Variants in MRC1 observed in about 807,000 individuals in gnomAD.
MRC1 encodes macrophage mannose receptor 1.
A neutral mutation model predicts 102.9 loss-of-function variants in MRC1; 62 were observed. That is an observed-to-expected ratio of 0.60 (90% CI 0.49 to 0.74). The LOEUF (loss-of-function observed/expected upper bound fraction) is 0.74, where lower values mean the gene tolerates loss of function less well. Ranked by LOEUF, MRC1 falls within the 30% of genes least tolerant of loss-of-function variation. The pLI, the probability that MRC1 is intolerant of heterozygous loss-of-function variation, is 0.00. For missense variants in MRC1, 1,237 were observed against 862.8 expected (o/e 1.43, Z -5.43); for synonymous variants, 457 against 298.4 (o/e 1.53, Z -5.48).
At chr10:17,837,801 A>T (rs911441037) in intron 4 of MRC1, among the ~76,000 whole-genome samples, 1 of 151,942 alleles carries the variant, frequency 6.6e-6, no homozygotes, top group Admixed American at 6.6e-5. Flanking sequence ...GGGTTTCACC[A>T]TGTTGCCCAG....
At chr10:17,883,383 C>A (rs1351942214) in intron 21 of MRC1, among the ~76,000 whole-genome samples, 1 of 152,006 alleles carries the variant, frequency 6.6e-6, no homozygotes, top group Non-Finnish European at 1.5e-5. Context: ...CCCACCTTGA[C>A]CTCCCAAATT....
intron 2 of MRC1, among the ~76,000 whole-genome samples, chr10:17,824,502 A>G (rs1289688304): frequency 6.6e-6 from 1 of 152,132 alleles, no homozygotes; most frequent in East Asian, 1.9e-4. Flanking sequence ...TGAGCTTTCC[A>G]TTTTCCATCT....
At chr10:17,839,686 G>A (rs1838721128) in intron 4 of MRC1, among the ~76,000 whole-genome samples, 1 of 152,072 alleles carries the variant, frequency 6.6e-6, no homozygotes, top group African/African-American at 2.4e-5. Flanking sequence ...AAAAGCCAAA[G>A]GATAGTTTTT....
intron 9 of MRC1, among the ~76,000 whole-genome samples, chr10:17,859,009 CTA>C (rs1267809705): frequency 1.3e-5 from 2 of 152,172 alleles, no homozygotes; most frequent in African/African-American, 4.8e-5. Flanking sequence ...TCTTCCTATG[CTA>C]TCTTTTCTGT....
At chr10:17,845,815 C>A (rs543214337) in intron 6 of MRC1, among the ~76,000 whole-genome samples, 3,837 of 152,216 alleles carry the variant, frequency 0.025, 175 homozygotes, top group East Asian at 0.17. Context: ...TATATTAGGT[C>A]CTCACGGCTC....
intron 3 of MRC1, among the ~76,000 whole-genome samples, chr10:17,829,598 C>T (rs1160794864): frequency 3.3e-5 from 5 of 151,528 alleles, no homozygotes; most frequent in Non-Finnish European, 7.3e-5. Flanking sequence ...TTGTCTGAAA[C>T]ACATTGAGCA....
intron 16 of MRC1, among the ~76,000 whole-genome samples, chr10:17,874,140 A>T (rs1656175382): frequency 6.6e-6 from 1 of 152,246 alleles, no homozygotes; most frequent in Non-Finnish European, 1.5e-5. Context: ...GGCTTAAAAT[A>T]ACATGCAGTT....
At chr10:17,817,678 T>G (rs1291035548) in intron 1 of MRC1, among the ~76,000 whole-genome samples, 1 of 152,184 alleles carries the variant, frequency 6.6e-6, no homozygotes, top group Non-Finnish European at 1.5e-5. Context: ...GAAACTCACA[T>G]ATTAGATCCT....
chr10:17,877,905 C>T lies in MRC1; in HGVS notation c.2556C>T (p.Asn852=). The part of the protein sequence containing the change: ...SEKKFLWKYV[N]RNDAQSAYFI... The stretch of plus-strand genomic sequence containing the variant: ...CGTAAACTTCCATGTTTCAGGTAAA[C>T]AGAAATGATGCACAGTCTGCATATT... The change falls in exon 18 of 30, where the codon AAC becomes AAT. Residue 852 remains asparagine (N), a synonymous_variant. Transcript: ENST00000569591. 4.6e-6 allele frequency: 4 copies of T among 872,116 alleles called. No homozygotes were observed. Among genetic ancestry groups the T allele is most frequent in the Non-Finnish European group, 8.0e-6 (4 of 501,212 alleles). The allele number at this position is 872,116 out of a possible 1,614,324, so 54.0% of individuals were successfully genotyped here. A position where few individuals can be genotyped will look rare whatever the true frequency, so the allele number is the denominator to read the frequency against.
intron 29 of MRC1, among the ~76,000 whole-genome samples, 165 bp from the exon 30 acceptor site, chr10:17,910,050 C>T (rs1013204162): frequency 2.7e-4 from 41 of 152,270 alleles, no homozygotes; most frequent in African/African-American, 9.1e-4. Flanking sequence ...CTGAATAATC[C>T]TCTATACCAC....
intron 23 of MRC1, among the ~76,000 whole-genome samples, chr10:17,894,821 C>T (rs1329206616): frequency 1.3e-5 from 2 of 152,030 alleles, no homozygotes; most frequent in East Asian, 1.9e-4. Flanking sequence ...ATCACCTAGC[C>T]CCACATGCAT....
intron 4 of MRC1, among the ~76,000 whole-genome samples, chr10:17,839,153 T>C (rs1342316135): frequency 6.6e-6 from 1 of 152,148 alleles, no homozygotes; most frequent in Non-Finnish European, 1.5e-5. Context: ...ATTAACTAAT[T>C]CAGTTCTTCA....
At chr10:17,865,043 T>A (rs1190480013) in intron 11 of MRC1, among the ~76,000 whole-genome samples, 4 of 152,308 alleles carry the variant, frequency 2.6e-5, no homozygotes, top group African/African-American at 9.6e-5. Context: ...AAAGATTCTT[T>A]GACTTTTTAT....
intron 2 of MRC1, among the ~76,000 whole-genome samples, chr10:17,825,605 T>A (rs1838463490): frequency 6.6e-6 from 1 of 152,126 alleles, no homozygotes; most frequent in African/African-American, 2.4e-5. Flanking sequence ...ACTGTGGTGT[T>A]CACCTGTAGT....
chr10:17,888,800 A>T (rs1833635641), intron 22 of MRC1, among the ~76,000 whole-genome samples: 1 of 152,144 alleles, frequency 6.6e-6, no homozygotes, highest in African/African-American at 2.4e-5. Flanking sequence ...GGTGCTGTCC[A>T]CTTTAACTAT....
chr10:17,846,409 T>C (rs1554840234), intron 6 of MRC1, among the ~76,000 whole-genome samples: 2 of 152,194 alleles, frequency 1.3e-5, no homozygotes, highest in African/African-American at 2.4e-5. Context: ...ATTTCTGTTT[T>C]TCTGCTGGAG....
chr10:17,820,713 CACAA>C (rs1269112668), intron 1 of MRC1, among the ~76,000 whole-genome samples: 1 of 152,020 alleles, frequency 6.6e-6, no homozygotes, highest in African/African-American at 2.4e-5. Flanking sequence ...GGTAGAATAA[CACAA>C]ACAAATTACA....
chr10:17,881,247 A>G (rs1833511835), intron 21 of MRC1, 66 bp downstream of exon 21: 6 of 755,324 alleles, frequency 7.9e-6, no homozygotes, highest in Admixed American at 7.4e-5. Flanking sequence ...AAATGGTAAA[A>G]TATTGCTGAC....
chr10:17,877,683 A>G (rs1176827314), intron 17 of MRC1, among the ~76,000 whole-genome samples: 1 of 152,186 alleles, frequency 6.6e-6, no homozygotes, highest in African/African-American at 2.4e-5. Context: ...CTATGCATCA[A>G]ATAAAAGACT....
Sources: gnomAD v4.1 joint callset for allele counts (sites outside exome capture counted in the v4.1 genomes callset) on GRCh38, gnomAD v4.1.1 for gene constraint, MANE v1.5 for transcripts, NCBI Gene and HGNC (gene_info 2026-07-23, HGNC 2026-07-21) for gene names.